CDC5L: variants seen among roughly 807,000 people sequenced by gnomAD.
CDC5L encodes the protein cell division cycle 5 like.
A neutral mutation model predicts 104.1 loss-of-function variants in CDC5L; 18 were observed. That is an observed-to-expected ratio of 0.17 (90% confidence interval 0.12 to 0.26). CDC5L has a LOEUF of 0.26. CDC5L is among the 10% of genes least tolerant of loss of function. The probability of loss-of-function intolerance (pLI) is 1.00; values close to 1 mark genes in which losing one functional copy is unlikely to be tolerated. For synonymous variants in CDC5L, 331 were observed against 322.7 expected (o/e 1.03, Z -0.28); for missense variants, 673 against 956.9 (o/e 0.70, Z 3.91).
intron 1 of CDC5L, 52 bp downstream of exon 1, chr6:44,387,920 G>A (rs773990872): frequency 6.5e-7 from 1 of 1,533,778 alleles, no homozygotes; most frequent in African/African-American, 1.4e-5. Flanking sequence ...CTAGCAGCTT[G>A]TGCGCACGCG....
chr6:44,411,549 T>G (rs1360589200), intron 8 of CDC5L, among the ~76,000 whole-genome samples: 1 of 151,910 alleles, frequency 6.6e-6, no homozygotes, highest in East Asian at 1.9e-4. Flanking sequence ...TTTAGAAATC[T>G]TTTTTGTACT....
chr6:44,395,790 G>A (rs1277510867), intron 4 of CDC5L, among the ~76,000 whole-genome samples: 1 of 152,144 alleles, frequency 6.6e-6, no homozygotes. Flanking sequence ...GCCTTGCATA[G>A]GAATTGTTCT....
intron 14 of CDC5L, among the ~76,000 whole-genome samples, chr6:44,443,893 C>T (rs2153384425): frequency 1.4e-5 from 2 of 145,020 alleles, no homozygotes; most frequent in Admixed American, 1.4e-4. Context: ...CTTAATTGTT[C>T]TTGACTCTCT....
intron 14 of CDC5L, among the ~76,000 whole-genome samples, chr6:44,439,403 T>A (rs1324895622): frequency 6.7e-6 from 1 of 150,004 alleles, no homozygotes; most frequent in Non-Finnish European, 1.5e-5. Flanking sequence ...TTCACCTCAT[T>A]TGAACTTCAG....
intron 15 of CDC5L, among the ~76,000 whole-genome samples, chr6:44,446,223 A>G (rs1007526824): frequency 6.6e-6 from 1 of 152,172 alleles, no homozygotes; most frequent in African/African-American, 2.4e-5. Context: ...TTTATACCTT[A>G]TGTTGCTGGG....
rs1185517289 is a variant in CDC5L, at chr6:44,448,582, G to A, written c.*1871G>A. 3.9e-5 allele frequency: 6 copies of A among 152,138 alleles called. No individual in the cohort carries two copies. The highest frequency in any genetic ancestry group is 9.7e-5 in the African/African-American group (4 of 41,424). The allele number at this position is 152,138 out of a possible 1,614,324, so 9.4% of individuals were successfully genotyped here. The stretch of plus-strand genomic sequence containing the variant: ...TATATACTTAATAGTCTTATCAGAC[G>A]ATAAATTGATATTTTCCTGGTGTGT... On this transcript the variant is annotated 3_prime_UTR_variant, in exon 16 of 16. Transcript: ENST00000371477.
At chr6:44,399,666 G>C (rs868269129) in intron 5 of CDC5L, among the ~76,000 whole-genome samples, 16 of 152,014 alleles carry the variant, frequency 1.1e-4, no homozygotes, top group Non-Finnish European at 1.5e-4. Flanking sequence ...GTTTTGTTTT[G>C]TTTTTTGAGA....
At chr6:44,419,254 T>A (rs991483746) in intron 8 of CDC5L, among the ~76,000 whole-genome samples, 195 bp from the exon 9 acceptor site, 1 of 152,250 alleles carries the variant, frequency 6.6e-6, no homozygotes, top group Non-Finnish European at 1.5e-5. Context: ...ACACTTCTAA[T>A]GTGATGTGTT....
rs116158090 is a variant in CDC5L, at chr6:44,438,361, T to C, written c.2092-7294T>C. 8.1e-3 allele frequency among the ~76,000 whole-genome samples: 1,230 copies of C among 152,338 alleles called. 19 individuals carry two copies. The highest frequency in any genetic ancestry group is 0.028 in the African/African-American group (1,153 of 41,568). Reference sequence around the variant, plus strand: ...TAGATATAGTTGAGAAAACAACTGATACCTAGCTTGTGTAATGACTCTGGC... The same window carrying C: ...TAGATATAGTTGAGAAAACAACTGACACCTAGCTTGTGTAATGACTCTGGC... On this transcript the variant is annotated intron_variant, in intron 14 of 15. Coordinates refer to ENST00000371477, the MANE Select transcript of CDC5L (RefSeq NM_001253.4).
intron 8 of CDC5L, among the ~76,000 whole-genome samples, chr6:44,418,223 C>T (rs1581652905): frequency 1.3e-5 from 2 of 152,090 alleles, no homozygotes. Context: ...TCAGTTCCCA[C>T]CTATGAGTGA....
At chr6:44,420,270 A>G (rs1287386029) in intron 9 of CDC5L, among the ~76,000 whole-genome samples, 3 of 152,132 alleles carry the variant, frequency 2.0e-5, no homozygotes, top group African/African-American at 7.2e-5. Context: ...ATTCCAGATA[A>G]GTTGCTTCTG....
chr6:44,442,256 G>A (rs1460320992), intron 14 of CDC5L, among the ~76,000 whole-genome samples: 1 of 151,950 alleles, frequency 6.6e-6, no homozygotes, highest in Non-Finnish European at 1.5e-5. Flanking sequence ...TTTTGATTGG[G>A]GAATGTAATC....
At chr6:44,416,212 T>C (rs1420913820) in intron 8 of CDC5L, among the ~76,000 whole-genome samples, 3 of 152,088 alleles carry the variant, frequency 2.0e-5, no homozygotes, top group Non-Finnish European at 4.4e-5. Flanking sequence ...TATACAGTTA[T>C]GGGAAAAGCA....
At chr6:44,437,646 ACT>A (rs202196497) in intron 14 of CDC5L, among the ~76,000 whole-genome samples, 1,790 of 152,220 alleles carry the variant, frequency 0.012, 17 homozygotes, top group Middle Eastern at 0.054. Context: ...ATAAGAAATG[ACT>A]CCATTGGATG....
At chr6:44,409,636 TCTAGA>T (rs1413593273) in intron 8 of CDC5L, among the ~76,000 whole-genome samples, 1 of 152,240 alleles carries the variant, frequency 6.6e-6, no homozygotes, top group Non-Finnish European at 1.5e-5. Context: ...GTAATTCAAC[TCTAGA>T]CTACGCTGGC....
rs76630135 is a variant in CDC5L, at chr6:44,413,433, G to A, written c.1092+4801G>A. Among the ~76,000 whole-genome samples, 272 of 152,232 alleles carry A rather than the reference G, an allele frequency of 1.8e-3. 1 individual carries two copies. In the East Asian group the frequency reaches 0.05, roughly 28 times the overall value. On this transcript the variant is annotated intron_variant, in intron 8 of 15. Transcript: ENST00000371477. ...AGTTGTTTCTACCTTTTGACTGTTA[G>A]GAATAATGCTGCTTTGAACAGATGT...
chr6:44,420,415 G>T (rs1037316398), intron 9 of CDC5L, among the ~76,000 whole-genome samples: 6 of 151,024 alleles, frequency 4.0e-5, no homozygotes, highest in Non-Finnish European at 8.8e-5. Context: ...CTGGAGTGCA[G>T]TGGCGCGAAC....
At chr6:44,435,866 C>T (rs1172527206) in intron 14 of CDC5L, 1 of 151,744 alleles carries the variant, frequency 6.6e-6, no homozygotes, top group Non-Finnish European at 1.5e-5. Flanking sequence ...GCTGCAACCT[C>T]TGCCTCCAGG....
At chr6:44,423,998 G>A (rs1366136869) in intron 10 of CDC5L, among the ~76,000 whole-genome samples, 1 of 152,098 alleles carries the variant, frequency 6.6e-6, no homozygotes, top group Non-Finnish European at 1.5e-5. Flanking sequence ...AAAGTTTTTG[G>A]TTGGTCTTAA....
Sources: allele counts gnomAD v4.1 joint callset (sites outside exome capture counted in the v4.1 genomes callset), GRCh38; gene constraint gnomAD v4.1.1; transcripts MANE v1.5; gene names NCBI Gene and HGNC (gene_info 2026-07-23, HGNC 2026-07-21).